Variants in SLC6A11 observed in about 807,000 individuals in gnomAD.
SLC6A11 encodes solute carrier family 6 member 11, also known as sodium- and chloride-dependent GABA transporter 3.
Under a neutral mutation model 74.8 loss-of-function variants are expected in SLC6A11, and 25 were observed. The ratio of observed to expected loss-of-function variants is 0.33; its 90% confidence interval spans 0.24 to 0.47. The LOEUF (loss-of-function observed/expected upper bound fraction) is 0.47. Ranked by LOEUF, SLC6A11 falls within the 20% of genes least tolerant of loss-of-function variation. The probability of loss-of-function intolerance (pLI) is 1.00; values close to 1 mark genes in which losing one functional copy is unlikely to be tolerated. For missense variants in SLC6A11, 574 were observed against 837.0 expected, an observed-to-expected ratio of 0.69 and a Z score of 3.88; for synonymous variants, 330 against 330.2, an observed-to-expected ratio of 1.00 and a Z score of 0.01.
chr3:10,900,872 C>G (rs1295576342), intron 6 of SLC6A11, among the ~76,000 whole-genome samples: 1 of 152,192 alleles, frequency 6.6e-6, no homozygotes, highest in Non-Finnish European at 1.5e-5. Flanking sequence ...TCTGACTCCC[C>G]CTGCCTCAGT....
intron 6 of SLC6A11, among the ~76,000 whole-genome samples, chr3:10,882,682 C>T (rs951964591): frequency 1.3e-5 from 2 of 152,134 alleles, no homozygotes; most frequent in South Asian, 2.1e-4. Context: ...TGTTCTTTTG[C>T]GTTACGGTTG....
intron 6 of SLC6A11, among the ~76,000 whole-genome samples, chr3:10,885,307 C>A (rs1695029621): frequency 6.6e-6 from 1 of 152,124 alleles, no homozygotes; most frequent in African/African-American, 2.4e-5. Context: ...CTGTAGAAAT[C>A]TGGACTGTTC....
At position 10,838,224 on chromosome 3, in the gene SLC6A11, C is replaced by G. The variant is rs369788241; in HGVS notation, c.624-5990C>G. On this transcript the variant is annotated intron_variant, in intron 4 of 13. Coordinates refer to ENST00000254488, the MANE Select transcript of SLC6A11 (RefSeq NM_014229.3). Reference sequence around the variant, plus strand: ...GCTCCAGCTCTGCTCTCTGGGCAAACCAGCCCTTGTGCTGGGAGCCGGAAG... The same window carrying G: ...GCTCCAGCTCTGCTCTCTGGGCAAAGCAGCCCTTGTGCTGGGAGCCGGAAG... Among the ~76,000 whole-genome samples the G allele has an allele frequency of 3.5e-4, 53 of 152,336 alleles. 3 individuals are homozygous for G. In the South Asian group the frequency reaches 0.011, roughly 32 times the overall value.
intron 5 of SLC6A11, among the ~76,000 whole-genome samples, chr3:10,869,167 G>T (rs1369635791): frequency 1.3e-5 from 2 of 152,144 alleles, no homozygotes; most frequent in Non-Finnish European, 2.9e-5. Context: ...CCCTTATATT[G>T]TAAAAATCTT....
At chr3:10,900,364 C>T (rs1695225433) in intron 6 of SLC6A11, among the ~76,000 whole-genome samples, 1 of 152,142 alleles carries the variant, frequency 6.6e-6, no homozygotes. Context: ...TATCATGTGT[C>T]AGCAATGCGC....
At chr3:10,901,587 C>T (rs1425542292) in intron 6 of SLC6A11, among the ~76,000 whole-genome samples, 2 of 152,262 alleles carry the variant, frequency 1.3e-5, no homozygotes, top group Non-Finnish European at 2.9e-5. Flanking sequence ...GCCTCAGCCC[C>T]TTCCCACCAC....
intron 3 of SLC6A11, among the ~76,000 whole-genome samples, chr3:10,820,955 A>G (rs1694131233): frequency 6.6e-6 from 1 of 152,180 alleles, no homozygotes; most frequent in Non-Finnish European, 1.5e-5. Context: ...GGTGACCAGT[A>G]GAAGGAACAG....
chr3:10,897,055 G>A (rs1695180200), intron 6 of SLC6A11, among the ~76,000 whole-genome samples: 1 of 152,058 alleles, frequency 6.6e-6, no homozygotes, highest in Admixed American at 6.5e-5. Flanking sequence ...AAGTGAAAGG[G>A]GTTTCCCCTT....
intron 4 of SLC6A11, among the ~76,000 whole-genome samples, chr3:10,838,981 C>G (rs141103276): frequency 1.0e-3 from 156 of 152,202 alleles, no homozygotes; most frequent in African/African-American, 3.6e-3. Flanking sequence ...TCCTTTTGAG[C>G]TACCCTCTTG....
At chr3:10,855,722 T>C (rs745326785) in intron 5 of SLC6A11, among the ~76,000 whole-genome samples, 1 of 152,134 alleles carries the variant, frequency 6.6e-6, no homozygotes, top group East Asian at 1.9e-4. Flanking sequence ...CTCCCTGTGG[T>C]AAAGATAAAC....
At chr3:10,928,773 C>G (rs1695643941) in intron 9 of SLC6A11, among the ~76,000 whole-genome samples, 2 of 152,038 alleles carry the variant, frequency 1.3e-5, no homozygotes, top group South Asian at 4.2e-4. Flanking sequence ...ATCAGCAGAG[C>G]ACGTAACTCC....
chr3:10,842,861 G>A (rs534519996), intron 4 of SLC6A11, among the ~76,000 whole-genome samples: 1 of 152,132 alleles, frequency 6.6e-6, no homozygotes. Flanking sequence ...CTCTGGCGGG[G>A]CTGGGGCTGG....
chr3:10,837,713 A>G (rs988661687), intron 4 of SLC6A11, among the ~76,000 whole-genome samples: 4 of 152,198 alleles, frequency 2.6e-5, no homozygotes, highest in Admixed American at 6.5e-5. Context: ...CTGCTTATTC[A>G]TCACTGTAGC....
At chr3:10,902,946 A>G (rs974406352) in intron 6 of SLC6A11, among the ~76,000 whole-genome samples, 3 of 152,226 alleles carry the variant, frequency 2.0e-5, no homozygotes, top group Admixed American at 6.5e-5. Context: ...ATAAATAACA[A>G]TGGCACCCAC....
chr3:10,893,834 ATACACTTCAAAGTAAGTTGTAGACATCAG>A (rs1695138001), intron 6 of SLC6A11, among the ~76,000 whole-genome samples: 1 of 151,976 alleles, frequency 6.6e-6, no homozygotes, highest in Non-Finnish European at 1.5e-5. Context: ...TTATTTTTTG[ATACACTTCAAAGTAAGTTGTAGACATCAG>A]TACACTTCAG....
chr3:10,930,868 A>G (rs533035550), intron 10 of SLC6A11, among the ~76,000 whole-genome samples: 31 of 152,130 alleles, frequency 2.0e-4, no homozygotes, highest in African/African-American at 7.0e-4. Flanking sequence ...AGCCAGCGCC[A>G]CAGTCACCCA....
intron 6 of SLC6A11, among the ~76,000 whole-genome samples, chr3:10,894,990 T>C (rs1695153261): frequency 6.6e-6 from 1 of 152,212 alleles, no homozygotes; most frequent in Non-Finnish European, 1.5e-5. Context: ...CATACAGATC[T>C]GGGATTGAGT....
intron 3 of SLC6A11, 23 bp downstream of exon 3, chr3:10,819,875 C>T (rs1002494225): frequency 6.2e-7 from 1 of 1,609,302 alleles, no homozygotes. Context: ...GGAGGTCTCT[C>T]TGCTGGTCCT....
At position 10,816,642 on chromosome 3, in the gene SLC6A11, C is replaced by G. The variant is rs566303450; in HGVS notation, c.256+121C>G. ...GGAGCGGAACCCGAGCGGAGAACCTCGACTCCAGGCACCTCGCGTGTGAGC... is the reference window on the plus strand; with the variant it reads ...GGAGCGGAACCCGAGCGGAGAACCTGGACTCCAGGCACCTCGCGTGTGAGC... On this transcript the variant is annotated intron_variant, in intron 1 of 13. Transcript: ENST00000254488. The surrounding 1 kb of genome is among the most constrained non-coding windows in gnomAD (Gnocchi z 4.2). 3.3e-3 allele frequency: 3,462 copies of G among 1,061,656 alleles called. 9 individuals carry two copies. The highest frequency in any genetic ancestry group is 3.8e-3 in the Non-Finnish European group (2,958 of 771,068). 65.8% of individuals were successfully genotyped at this position (1,061,656 alleles called of 1,614,324 possible). A position where few individuals can be genotyped will look rare whatever the true frequency, so the allele number is the denominator to read the frequency against.
Sources: allele counts gnomAD v4.1 joint callset (sites outside exome capture counted in the v4.1 genomes callset), GRCh38; gene constraint gnomAD v4.1.1; non-coding constraint Gnocchi (gnomAD v3.1); transcripts MANE v1.5; gene names NCBI Gene and HGNC (gene_info 2026-07-23, HGNC 2026-07-21).